Variants in DRC2 observed in about 807,000 individuals in gnomAD.
The protein encoded by DRC2 is dynein regulatory complex subunit 2.
chr12:48,912,425 G>C, the DRC2 span, among the ~76,000 whole-genome samples: 2 of 33,550 alleles, frequency 6.0e-5, no homozygotes, highest in East Asian at 2.3e-3. Flanking sequence ...GCAACAGAGC[G>C]AGACGCCGTC....
chr12:48,920,441 T>TTAAAAAAAAA, the DRC2 span, among the ~76,000 whole-genome samples: 1,074 of 67,750 alleles, frequency 0.016, 101 homozygotes, highest in Middle Eastern at 0.056. Context: ...AACTCCATCT[T>TTAAAAAAAAA]AAAAAAAAAA....
the DRC2 span, among the ~76,000 whole-genome samples, chr12:48,907,142 G>C: frequency 6.6e-6 from 1 of 152,092 alleles, no homozygotes; most frequent in African/African-American, 2.4e-5. Context: ...GTGAACCCGG[G>C]AGGTGGAGCT....
chr12:48,918,439 T>G, the DRC2 span: 3 of 1,614,062 alleles, frequency 1.9e-6, no homozygotes, highest in South Asian at 1.1e-5. Context: ...CCAAAGAGAT[T>G]GAAGTACAGA....
chr12:48,904,553 T>A, the DRC2 span: 5 of 1,509,476 alleles, frequency 3.3e-6, no homozygotes, highest in Admixed American at 2.2e-5. Context: ...ATTTTCATCC[T>A]GACCTCCCCT....
the DRC2 span, among the ~76,000 whole-genome samples, chr12:48,914,840 T>A: frequency 6.6e-6 from 1 of 151,988 alleles, no homozygotes; most frequent in Non-Finnish European, 1.5e-5. Context: ...TATTTTTTTC[T>A]TTATTGTTTT....
chr12:48,921,290 G>T, the DRC2 span: 1 of 1,614,224 alleles, frequency 6.2e-7, no homozygotes, highest in Admixed American at 1.7e-5. Context: ...AGCTGCGGGA[G>T]ATGCTGAAGC....
chr12:48,920,425 G>A, the DRC2 span, among the ~76,000 whole-genome samples: 1 of 75,284 alleles, frequency 1.3e-5, no homozygotes, highest in Non-Finnish European at 2.4e-5. Context: ...TGGGCAACAA[G>A]AGCGAAACTC....
chr12:48,919,506 C>T, the DRC2 span, among the ~76,000 whole-genome samples: 2 of 150,724 alleles, frequency 1.3e-5, no homozygotes, highest in African/African-American at 4.9e-5. Flanking sequence ...CTCCCCCTTA[C>T]ATTTTAATTA....
At chr12:48,906,754 C>T in the DRC2 span, among the ~76,000 whole-genome samples, 51 of 150,618 alleles carry the variant, frequency 3.4e-4, no homozygotes, top group African/African-American at 1.1e-3. Context: ...TTAGTGGAGA[C>T]GGGATTTCAC....
the DRC2 span, chr12:48,914,400 CT>C: frequency 6.3e-7 from 1 of 1,597,570 alleles, no homozygotes; most frequent in Non-Finnish European, 8.5e-7. Context: ...TCTTTCTGGC[CT>C]AGTCTTTAGC....
chr12:48,905,974 T>C, the DRC2 span, among the ~76,000 whole-genome samples: 1 of 152,112 alleles, frequency 6.6e-6, no homozygotes, highest in Non-Finnish European at 1.5e-5. Flanking sequence ...GGTTTCACCA[T>C]GTTGGCCAGG....
chr12:48,917,096 T>C, the DRC2 span: 46 of 1,613,950 alleles, frequency 2.9e-5, no homozygotes, highest in East Asian at 4.9e-4. Flanking sequence ...TGTGGAATGA[T>C]CTCAAAAACA....
chr12:48,915,511 C>A, the DRC2 span, among the ~76,000 whole-genome samples: 1 of 151,608 alleles, frequency 6.6e-6, no homozygotes, highest in African/African-American at 2.4e-5. Context: ...ATGTCTACTT[C>A]TTTCTACACA....
chr12:48,914,076 G>C, the DRC2 span, among the ~76,000 whole-genome samples: 1 of 151,802 alleles, frequency 6.6e-6, no homozygotes, highest in Non-Finnish European at 1.5e-5. Flanking sequence ...ATTACGGCCT[G>C]GGTAATTTTT....
At chr12:48,915,387 G>T in the DRC2 span, among the ~76,000 whole-genome samples, 4 of 143,228 alleles carry the variant, frequency 2.8e-5, no homozygotes, top group African/African-American at 1.0e-4. Context: ...ACTTAACTCT[G>T]AGTGGACACA....
chr12:48,917,008 A>C, the DRC2 span: 2 of 1,613,948 alleles, frequency 1.2e-6, no homozygotes, highest in Admixed American at 3.3e-5. Context: ...GAGATTCACT[A>C]TCTGCAAGAT....
At chr12:48,918,741 TGA>T in the DRC2 span, 1 of 1,613,956 alleles carries the variant, frequency 6.2e-7, no homozygotes. Context: ...AGAGTGAAGA[TGA>T]GAACCGGTAT....
chr12:48,904,848 G>C, the DRC2 span: 14 of 1,068,528 alleles, frequency 1.3e-5, no homozygotes, highest in South Asian at 2.4e-4. Flanking sequence ...CGTTCCCATC[G>C]AAAAGGGGTA....
the DRC2 span, among the ~76,000 whole-genome samples, chr12:48,910,573 C>A: frequency 2.0e-5 from 3 of 152,168 alleles, no homozygotes; most frequent in East Asian, 1.9e-4. Context: ...AATACACTCA[C>A]ATTATTCAAA....
Sources: gnomAD v4.1 joint callset for allele counts (sites outside exome capture counted in the v4.1 genomes callset) on GRCh38, gnomAD v4.1.1 for gene constraint, MANE v1.5 for transcripts, NCBI Gene and HGNC (gene_info 2026-07-23, HGNC 2026-07-21) for gene names.